RBM26: variants seen among roughly 807,000 people sequenced by gnomAD.
The protein encoded by RBM26 is RNA-binding protein 26.
RBM26 carries 30 observed loss-of-function variants against 123.6 expected under a neutral mutation model. That is an observed-to-expected ratio of 0.24 (90% confidence interval 0.18 to 0.33). The LOEUF is 0.33. Ranked by LOEUF, RBM26 falls within the 10% of genes least tolerant of loss-of-function variation. RBM26 has a pLI of 1.00. For missense variants in RBM26, 947 were observed against 1,203.6 expected (o/e 0.79, Z 3.15); for synonymous variants, 400 against 404.4 (o/e 0.99, Z 0.13).
intron 6 of RBM26, 51 bp from the exon 7 acceptor site, chr13:79,366,923 T>C (rs748429709): frequency 4.2e-6 from 6 of 1,435,110 alleles, no homozygotes; most frequent in South Asian, 1.5e-5. Context: ...TGGAAATATA[T>C]ATTTTCTCTA....
chr13:79,372,818 T>TAATATTTTATATA (rs1566501632), intron 3 of RBM26, among the ~76,000 whole-genome samples: 8 of 88,726 alleles, frequency 9.0e-5, no homozygotes, highest in African/African-American at 7.6e-4. Flanking sequence ...TATATATTTA[T>TAATATTTTATATA]AATAAATATT....
chr13:79,335,898 G>C (rs1183657996), intron 19 of RBM26, among the ~76,000 whole-genome samples: 1 of 152,038 alleles, frequency 6.6e-6, no homozygotes, highest in African/African-American at 2.4e-5. Context: ...GTACACAGCA[G>C]GGAAAAGATG....
intron 14 of RBM26, among the ~76,000 whole-genome samples, chr13:79,345,911 C>T (rs1264918933): frequency 6.6e-6 from 1 of 151,962 alleles, no homozygotes; most frequent in African/African-American, 2.4e-5. Flanking sequence ...TTAAGTTCCA[C>T]GGGGTGACTG....
intron 1 of RBM26, among the ~76,000 whole-genome samples, chr13:79,405,456 G>C (rs913949917): frequency 6.6e-6 from 1 of 152,030 alleles, no homozygotes; most frequent in Admixed American, 6.6e-5. Flanking sequence ...TGCGGGTGGG[G>C]GTTGGAGACG....
intron 18 of RBM26, among the ~76,000 whole-genome samples, chr13:79,339,896 G>A (rs1394061525): frequency 6.6e-6 from 1 of 152,000 alleles, no homozygotes; most frequent in Non-Finnish European, 1.5e-5. Flanking sequence ...CTGCATTACT[G>A]CATAAAACTA....
intron 5 of RBM26, among the ~76,000 whole-genome samples, chr13:79,370,016 T>G (rs2075717117): frequency 6.6e-6 from 1 of 152,132 alleles, no homozygotes; most frequent in Non-Finnish European, 1.5e-5. Context: ...TAGTTTGCAT[T>G]TTTAAAAACT....
intron 1 of RBM26, among the ~76,000 whole-genome samples, chr13:79,384,887 T>A (rs1171904842): frequency 6.6e-6 from 1 of 152,160 alleles, no homozygotes; most frequent in Non-Finnish European, 1.5e-5. Flanking sequence ...GCTATAATAC[T>A]CCAATACAAT....
chr13:79,380,464 A>G (rs1040911281), intron 1 of RBM26, among the ~76,000 whole-genome samples: 1 of 151,396 alleles, frequency 6.6e-6, no homozygotes, highest in Non-Finnish European at 1.5e-5. Flanking sequence ...TGAACTAAGT[A>G]AAGGAGGGAC....
intron 18 of RBM26, among the ~76,000 whole-genome samples, chr13:79,338,388 C>T (rs2070819199): frequency 6.6e-6 from 1 of 152,006 alleles, no homozygotes; most frequent in African/African-American, 2.4e-5. Context: ...TTATTCCCAG[C>T]AGTAGCTGGT....
At chr13:79,364,471 C>G (rs1283848135) in intron 9 of RBM26, among the ~76,000 whole-genome samples, 1 of 152,122 alleles carries the variant, frequency 6.6e-6, no homozygotes, top group Non-Finnish European at 1.5e-5. Flanking sequence ...CAAGAAAAGA[C>G]TGGAAAGAAA....
intron 14 of RBM26, among the ~76,000 whole-genome samples, chr13:79,346,673 A>C (rs2139270355): frequency 6.6e-6 from 1 of 152,256 alleles, no homozygotes; most frequent in East Asian, 1.9e-4. Context: ...ACCATACTCG[A>C]CCAATTAAAC....
intron 20 of RBM26, among the ~76,000 whole-genome samples, chr13:79,329,390 A>AT (rs1427591841): frequency 1.3e-5 from 2 of 151,986 alleles, no homozygotes; most frequent in Admixed American, 1.3e-4. Context: ...ACTGAAAAGG[A>AT]TTAGTGATGG....
At chr13:79,371,762 A>G (rs745884102) in intron 4 of RBM26, 80 bp downstream of exon 4, 29 of 1,023,140 alleles carry the variant, frequency 2.8e-5, no homozygotes, top group Admixed American at 2.1e-4. Flanking sequence ...GCCTCTGCGT[A>G]AAAGATAACC....
chr13:79,335,507 T>C (rs9530896), intron 19 of RBM26, among the ~76,000 whole-genome samples: 76,696 of 151,994 alleles, frequency 0.5, 19,767 homozygotes, highest in Middle Eastern at 0.6. Flanking sequence ...TAATAGTTAA[T>C]GGTCCTTTAA....
intron 1 of RBM26, among the ~76,000 whole-genome samples, chr13:79,382,294 C>T (rs1358722057): frequency 1.3e-5 from 2 of 151,952 alleles, no homozygotes; most frequent in East Asian, 3.9e-4. Context: ...TTACCAGTTG[C>T]CACTGCTGAT....
At chr13:79,357,715 G>C (rs527518407) in intron 11 of RBM26, among the ~76,000 whole-genome samples, 2 of 152,162 alleles carry the variant, frequency 1.3e-5, no homozygotes, top group Admixed American at 6.5e-5. Flanking sequence ...GAAAACTATT[G>C]TAAGATTGGA....
At chr13:79,374,115 T>C (rs762241290) in intron 3 of RBM26, among the ~76,000 whole-genome samples, 2 of 152,100 alleles carry the variant, frequency 1.3e-5, no homozygotes, top group Non-Finnish European at 2.9e-5. Context: ...AGGGTACACA[T>C]GTCCCAGTTT....
intron 19 of RBM26, among the ~76,000 whole-genome samples, chr13:79,335,795 C>T (rs1256602079): frequency 6.6e-6 from 1 of 152,126 alleles, no homozygotes; most frequent in African/African-American, 2.4e-5. Context: ...TATTTTAGCA[C>T]ATTCATTGTT....
At position 79,355,365 on chromosome 13, in the gene RBM26, G is replaced by A; in HGVS notation, c.1709C>T (p.Pro570Leu). The change falls in exon 12 of 22, where the codon CCT (proline) becomes CTT (leucine). Residue 570 changes from proline to leucine, a missense_variant. This residue lies in a region of RBM26 where 493 missense variants were observed against 563.1 expected (regional missense o/e 0.88). Coordinates refer to ENST00000438737, the MANE Select transcript of RBM26 (RefSeq NM_001366735.2). ...TGCAAATTGGATTAGGGCACCTTCA[G>A]GATCACCATTATAAGCAACCTAAGA... ...VNLQVAYNGD[P>L]EGALIQFATY... The A allele has an allele frequency of 1.2e-6, 2 of 1,613,408 alleles. No homozygotes were observed. Among genetic ancestry groups the A allele is most frequent in the South Asian group, 2.2e-5 (2 of 91,024 alleles).
Sources: gnomAD v4.1 joint callset for allele counts (sites outside exome capture counted in the v4.1 genomes callset) on GRCh38, gnomAD v4.1.1 for gene constraint, gnomAD v4.1.1 regional missense constraint, MANE v1.5 for transcripts, NCBI Gene and HGNC (gene_info 2026-07-23, HGNC 2026-07-21) for gene names.